The following ADK variants were observed in gnomAD, a reference collection of about 807,000 sequenced individuals.
The protein encoded by ADK is N6,N6-dimethyladenosine kinase.
In ADK, 24 loss-of-function variants were observed where a neutral mutation model predicts 44.7. The observed-to-expected ratio is 0.54, with a 90% CI of 0.39 to 0.76. The LOEUF is 0.76. ADK is among the 30% of genes least tolerant of loss of function. The pLI is 0.00. For missense variants in ADK, 321 were observed against 425.1 expected (o/e 0.76, Z 2.15); for synonymous variants, 128 against 142.6 (o/e 0.90, Z 0.73).
At position 74,157,266 on chromosome 10, in the gene ADK, C is replaced by T. The variant is rs140852110; in HGVS notation, c.65+5923C>T. Among the ~76,000 whole-genome samples, 56 of 152,024 alleles carry T rather than the reference C, an allele frequency of 3.7e-4. 1 individual carries two copies. Among genetic ancestry groups the T allele is most frequent in the African/African-American group, 1.3e-3 (53 of 41,454 alleles). On this transcript the variant is annotated intron_variant, in intron 1 of 10. Transcript: ENST00000539909. ...GGGAATGTCTGAGCCTATAAACACA[C>T]GAGGAAGACCATTACTTAGAAAATT...
chr10:74,522,560 A>G (rs1246924919), intron 6 of ADK, among the ~76,000 whole-genome samples: 3 of 152,276 alleles, frequency 2.0e-5, no homozygotes, highest in Non-Finnish European at 2.9e-5. Context: ...CCCAATACAC[A>G]TGGCTCCTGC....
intron 3 of ADK, among the ~76,000 whole-genome samples, chr10:74,269,442 A>T (rs1846343104): frequency 6.6e-6 from 1 of 152,234 alleles, no homozygotes; most frequent in African/African-American, 2.4e-5. Flanking sequence ...TCAGTGTAAC[A>T]TATAAAGAAC....
intron 9 of ADK, among the ~76,000 whole-genome samples, chr10:74,630,628 AG>A (rs1374864764): frequency 6.6e-6 from 1 of 152,170 alleles, no homozygotes; most frequent in Non-Finnish European, 1.5e-5. Context: ...TAGCCTCGAT[AG>A]TAGTGATGTT....
chr10:74,669,659 G>T (rs912885310), intron 9 of ADK, among the ~76,000 whole-genome samples: 1 of 152,104 alleles, frequency 6.6e-6, no homozygotes, highest in Non-Finnish European at 1.5e-5. Context: ...CTTGACATTG[G>T]GAAGAAGTAT....
chr10:74,632,980 A>G (rs1329778470), intron 9 of ADK, among the ~76,000 whole-genome samples: 1 of 152,168 alleles, frequency 6.6e-6, no homozygotes, highest in Non-Finnish European at 1.5e-5. Context: ...ATATCACTTC[A>G]CAGAGCTCTA....
At chr10:74,516,257 C>G (rs1425244676) in intron 6 of ADK, among the ~76,000 whole-genome samples, 1 of 152,108 alleles carries the variant, frequency 6.6e-6, no homozygotes, top group African/African-American at 2.4e-5. Context: ...GCAATTCCCT[C>G]CCGTCTCCAG....
rs35081179 is a variant in ADK, at chr10:74,267,790, G to GTGTGTGTGTGTGTC, written c.194+43202_194+43203insGTGTGTGTGTCTGT. On this transcript the variant is annotated intron_variant, in intron 3 of 10. Transcript: ENST00000539909. ...TGTGTGTGTGTGTGTGTGTGTGTGTGTGTCTGTCTGTCTGTTTTAGTGGCT... is the reference window on the plus strand; with the variant it reads ...TGTGTGTGTGTGTGTGTGTGTGTGTGTGTGTGTGTGTGTCTGTCTGTCTGTCTGTTTTAGTGGCT... 3.4e-3 allele frequency among the ~76,000 whole-genome samples: 501 copies of GTGTGTGTGTGTGTC among 145,668 alleles called. 2 individuals carry two copies. The highest frequency in any genetic ancestry group is 8.2e-3 in the African/African-American group (309 of 37,610).
At chr10:74,186,492 T>TG (rs978602279) in intron 1 of ADK, among the ~76,000 whole-genome samples, 2 of 146,556 alleles carry the variant, frequency 1.4e-5, no homozygotes, top group Non-Finnish European at 3.0e-5. Context: ...GGGGTGGGGG[T>TG]GGGGTCTTGC....
At chr10:74,222,872 GA>G (rs1844372981) in intron 2 of ADK, among the ~76,000 whole-genome samples, 1 of 118,348 alleles carries the variant, frequency 8.4e-6, no homozygotes, top group South Asian at 3.4e-4. Context: ...GGGGTGGGGG[GA>G]GGGGGGAGCG....
intron 8 of ADK, 125 bp downstream of exon 8, chr10:74,589,442 A>T: frequency 1.0e-6 from 1 of 995,900 alleles, no homozygotes; most frequent in South Asian, 1.3e-5. Flanking sequence ...GTTGCCATGG[A>T]AACTTGGCAG....
intron 9 of ADK, among the ~76,000 whole-genome samples, chr10:74,624,264 T>G (rs1853103835): frequency 6.6e-6 from 1 of 151,564 alleles, no homozygotes; most frequent in African/African-American, 2.4e-5. Context: ...ATAGAAGCCA[T>G]CATTTCTAAG....
At chr10:74,277,329 T>C (rs543305084) in intron 3 of ADK, among the ~76,000 whole-genome samples, 1 of 152,370 alleles carries the variant, frequency 6.6e-6, no homozygotes, top group South Asian at 2.1e-4. Flanking sequence ...TTGTGTGACC[T>C]GGACTGTGTG....
At chr10:74,436,665 G>A (rs566147233) in intron 6 of ADK, among the ~76,000 whole-genome samples, 107 of 152,224 alleles carry the variant, frequency 7.0e-4, no homozygotes, top group South Asian at 3.7e-3. Flanking sequence ...TGAAAAGATA[G>A]CCTTTTCAAA....
intron 6 of ADK, among the ~76,000 whole-genome samples, chr10:74,440,738 G>C (rs186839529): frequency 6.6e-6 from 1 of 152,026 alleles, no homozygotes; most frequent in Non-Finnish European, 1.5e-5. Flanking sequence ...CCAATTCAGC[G>C]CATAATTGTA....
intron 4 of ADK, among the ~76,000 whole-genome samples, chr10:74,360,982 A>C (rs1842317270): frequency 6.6e-6 from 1 of 151,656 alleles, no homozygotes; most frequent in Admixed American, 6.6e-5. Context: ...ATCTCGGCTC[A>C]CTGCAACCTC....
At chr10:74,565,676 G>A (rs935860485) in intron 7 of ADK, among the ~76,000 whole-genome samples, 4 of 136,012 alleles carry the variant, frequency 2.9e-5, no homozygotes, top group East Asian at 2.3e-4. Flanking sequence ...GCAGTGAGCC[G>A]AGATCATGCC....
intron 3 of ADK, among the ~76,000 whole-genome samples, chr10:74,252,677 G>A (rs1362908078): frequency 6.6e-6 from 1 of 152,174 alleles, no homozygotes; most frequent in African/African-American, 2.4e-5. Context: ...TAGAAAGTAA[G>A]TGTTCAGATT....
chr10:74,366,811 TC>T, intron 4 of ADK, among the ~76,000 whole-genome samples: 1 of 152,260 alleles, frequency 6.6e-6, no homozygotes, highest in East Asian at 1.9e-4. Flanking sequence ...ACACCTGTAG[TC>T]CCAGCTGTTT....
At chr10:74,452,481 T>C (rs1845812218) in intron 6 of ADK, among the ~76,000 whole-genome samples, 1 of 152,062 alleles carries the variant, frequency 6.6e-6, no homozygotes, top group African/African-American at 2.4e-5. Flanking sequence ...AATTTGTAAA[T>C]TGATATAAAA....
Sources: allele counts gnomAD v4.1 joint callset (sites outside exome capture counted in the v4.1 genomes callset), GRCh38; gene constraint gnomAD v4.1.1; transcripts MANE v1.5; gene names NCBI Gene and HGNC (gene_info 2026-07-23, HGNC 2026-07-21).